The following OR2L13 variants were observed in gnomAD, a reference collection of about 807,000 sequenced individuals.
OR2L13 encodes the protein olfactory receptor 2L13.
OR2L13 carries 14 observed loss-of-function variants against 15.3 expected under a neutral mutation model. The observed-to-expected ratio is 0.91, with a 90% CI of 0.60 to 1.43. The LOEUF (loss-of-function observed/expected upper bound fraction) is 1.43. OR2L13 is among the 40% of genes most tolerant of loss of function. The pLI is 0.00. For synonymous variants in OR2L13, 152 were observed against 142.9 expected (o/e 1.06, Z -0.45); for missense variants, 367 against 387.9 (o/e 0.95, Z 0.45).
At chr1:248,088,486 T>C in the OR2L13 span, among the ~76,000 whole-genome samples, 3 of 152,198 alleles carry the variant, frequency 2.0e-5, no homozygotes, top group Non-Finnish European at 4.4e-5. Context: ...TGTAGCATTA[T>C]AGGAAGGAAT....
At chr1:248,000,254 G>C in the OR2L13 span, among the ~76,000 whole-genome samples, 8 of 151,924 alleles carry the variant, frequency 5.3e-5, no homozygotes, top group Admixed American at 5.2e-4. Flanking sequence ...GAAAGTATAG[G>C]GAGGAAAATC....
chr1:247,968,076 A>G, the OR2L13 span, among the ~76,000 whole-genome samples: 2 of 152,160 alleles, frequency 1.3e-5, no homozygotes, highest in East Asian at 3.9e-4. Context: ...AAAGAGGAAC[A>G]AACGTTTGTG....
chr1:248,065,424 CATTT>C, the OR2L13 span, among the ~76,000 whole-genome samples: 1 of 146,770 alleles, frequency 6.8e-6, no homozygotes, highest in Non-Finnish European at 1.5e-5. Context: ...TTTTTTTTTG[CATTT>C]ATTTATTTAT....
the OR2L13 span, chr1:248,084,451 C>T: frequency 2.7e-5 from 44 of 1,605,082 alleles, no homozygotes; most frequent in East Asian, 6.0e-4. Flanking sequence ...CGGCCGGTCC[C>T]GGTGAATCAG....
At chr1:247,972,627 C>A in the OR2L13 span, among the ~76,000 whole-genome samples, 2 of 36,890 alleles carry the variant, frequency 5.4e-5, no homozygotes, top group Admixed American at 3.9e-4. Context: ...TAATTAATAG[C>A]CTACAAAAAC....
rs1300796253 is a variant in OR2L13, at chr1:248,100,310, A to G, written c.935A>G (p.Glu312Gly). ...TTTGGGATATTCTCTTTCCTGAAAG[A>G]ATAATCATGGCCATCCCCACTCCCT... Residue 312 changes from glutamate (E) to glycine (G), a missense_variant, in exon 3 of 3, where the codon GAA becomes GGA. Physicochemically the swap from Glu to Gly is moderately conservative, Grantham distance 98 (BLOSUM62 -2). Transcript: ENST00000641714. 6 of 1,579,962 alleles carry G rather than the reference A, an allele frequency of 3.8e-6. No homozygotes were observed. The Admixed American group carries it at 1.0e-4, about 27-fold the overall frequency.
chr1:247,978,288 C>T, the OR2L13 span, among the ~76,000 whole-genome samples: 1 of 152,122 alleles, frequency 6.6e-6, no homozygotes, highest in African/African-American at 2.4e-5. Flanking sequence ...TGCTGCAACT[C>T]CCACTGTTTT....
the OR2L13 span, among the ~76,000 whole-genome samples, chr1:247,993,942 T>TTTCATTAACGAACACA: frequency 7.9e-5 from 12 of 152,288 alleles, 1 homozygote; most frequent in Non-Finnish European, 1.5e-4. Flanking sequence ...TGTCTCTTCA[T>TTTCATTAACGAACACA]TTCATTAACG....
chr1:248,047,789 G>A, the OR2L13 span, among the ~76,000 whole-genome samples: 9 of 152,288 alleles, frequency 5.9e-5, no homozygotes, highest in African/African-American at 1.7e-4. Context: ...GTGAGTGTAA[G>A]TGATAGTGAT....
chr1:248,014,330 T>G, the OR2L13 span, among the ~76,000 whole-genome samples: 1 of 152,106 alleles, frequency 6.6e-6, no homozygotes, highest in Non-Finnish European at 1.5e-5. Flanking sequence ...ATGATATAGT[T>G]TTTAAAATAA....
At chr1:248,014,746 G>A in the OR2L13 span, among the ~76,000 whole-genome samples, 40 of 152,148 alleles carry the variant, frequency 2.6e-4, 1 homozygote, top group Admixed American at 1.9e-3. Context: ...AGTAATACAC[G>A]GTCACTATGT....
the OR2L13 span, chr1:248,023,002 G>T: frequency 1.0e-6 from 1 of 976,350 alleles, no homozygotes; most frequent in Non-Finnish European, 1.5e-6. Context: ...AATCCAGAAT[G>T]TTTGTCTTTT....
At chr1:247,963,721 C>T in the OR2L13 span, among the ~76,000 whole-genome samples, 2 of 152,076 alleles carry the variant, frequency 1.3e-5, no homozygotes, top group Admixed American at 1.3e-4. Context: ...ATTTTCTTTC[C>T]AATCTGCATT....
the OR2L13 span, among the ~76,000 whole-genome samples, chr1:247,945,707 G>A: frequency 6.6e-6 from 1 of 152,106 alleles, no homozygotes. Flanking sequence ...CATTTAAAGT[G>A]GTTAGTTCTT....
the OR2L13 span, among the ~76,000 whole-genome samples, chr1:248,075,683 C>G: frequency 6.6e-6 from 1 of 152,130 alleles, no homozygotes; most frequent in Non-Finnish European, 1.5e-5. Context: ...ATCCTTTGCC[C>G]AATTTTTGAT....
the OR2L13 span, among the ~76,000 whole-genome samples, chr1:248,010,143 A>G: frequency 2.0e-5 from 3 of 152,196 alleles, no homozygotes; most frequent in Non-Finnish European, 2.9e-5. Flanking sequence ...CCTATTCTGC[A>G]TAGTATTGGA....
the OR2L13 span, among the ~76,000 whole-genome samples, chr1:247,968,743 A>G: frequency 2.0e-5 from 3 of 151,978 alleles, no homozygotes; most frequent in East Asian, 1.9e-4. Context: ...CCAGTCTATC[A>G]TTGATGGACA....
At chr1:247,966,122 G>GC in the OR2L13 span, 1 of 1,614,140 alleles carries the variant, frequency 6.2e-7, no homozygotes, top group East Asian at 2.2e-5. Context: ...ATTGTGGCAA[G>GC]CCTGTTCTAT....
the OR2L13 span, chr1:248,062,956 T>C: frequency 3.3e-5 from 5 of 152,240 alleles, no homozygotes; most frequent in Non-Finnish European, 5.9e-5. Context: ...CACTGTTCTA[T>C]GTGTCTGTTT....
Sources: gnomAD v4.1 joint callset for allele counts (sites outside exome capture counted in the v4.1 genomes callset) on GRCh38, gnomAD v4.1.1 for gene constraint, MANE v1.5 for transcripts, NCBI Gene and HGNC (gene_info 2026-07-23, HGNC 2026-07-21) for gene names.